RAPGEFL1: variants seen among roughly 807,000 people sequenced by gnomAD.
RAPGEFL1 encodes rap guanine nucleotide exchange factor-like 1.
A neutral mutation model predicts 64.4 loss-of-function variants in RAPGEFL1; 31 were observed. The ratio of observed to expected loss-of-function variants is 0.48; its 90% confidence interval spans 0.36 to 0.65. The LOEUF is 0.65. RAPGEFL1 is among the 30% of genes least tolerant of loss of function. RAPGEFL1 has a pLI of 0.00. For synonymous variants in RAPGEFL1, 331 were observed against 274.1 expected (o/e 1.21, Z -2.05); for missense variants, 682 against 677.4 (o/e 1.01, Z -0.08).
intron 3 of RAPGEFL1, 111 bp from the exon 4 acceptor site, chr17:40,184,470 C>A: frequency 8.7e-7 from 1 of 1,153,346 alleles, no homozygotes; most frequent in Non-Finnish European, 1.2e-6. Flanking sequence ...GGGGCCTTAG[C>A]TTATATGGCT....
chr17:40,191,546 G>T lies in RAPGEFL1; in HGVS notation c.1515-36G>T, dbSNP rs758250129. On this transcript the variant is annotated intron_variant, in intron 9 of 14. Coordinates refer to ENST00000620260, the MANE Select transcript of RAPGEFL1 (RefSeq NM_016339.6). The surrounding 1 kb of genome is among the most constrained non-coding windows in gnomAD (Gnocchi z 5.1). ...GGGCCGGAGGCCGGAGGCCCGCGCC[G>T]CCGCCCGCCCCTGACCCCGCCTCCC... 10 of 1,555,320 alleles carry T rather than the reference G, an allele frequency of 6.4e-6. No homozygotes were observed. The highest frequency in any genetic ancestry group is 8.7e-6 in the Non-Finnish European group (10 of 1,152,502).
intron 4 of RAPGEFL1, among the ~76,000 whole-genome samples, chr17:40,185,098 T>A (rs1336225452): frequency 1.3e-5 from 2 of 152,140 alleles, no homozygotes; most frequent in South Asian, 4.1e-4. Flanking sequence ...TTATTTCAGC[T>A]CCTTTCTCTC....
chr17:40,192,600 T>A lies in RAPGEFL1; in HGVS notation c.1657-6T>A. On this transcript the variant is annotated splice_region_variant and splice_polypyrimidine_tract_variant and intron_variant, in intron 11 of 14. Transcript: ENST00000620260. ...GTCCCTTGATCTCTCTCCTGTGGAA[T>A]ACTAGGACCCCTGCAGGAACCACAA... 1 of 1,610,356 alleles carries A rather than the reference T, an allele frequency of 6.2e-7. No individual in the cohort carries two copies. The highest frequency in any genetic ancestry group is 8.5e-7 in the Non-Finnish European group (1 of 1,177,304).
At chr17:40,188,775 A>G in intron 4 of RAPGEFL1, 91 bp from the exon 5 acceptor site, 3 of 1,016,048 alleles carry the variant, frequency 3.0e-6, no homozygotes, top group Non-Finnish European at 4.6e-6. Context: ...CCTTGACCCA[A>G]TTCTGATATT....
At chr17:40,193,251 G>A in intron 13 of RAPGEFL1, 112 bp from the exon 14 acceptor site, 2 of 1,250,632 alleles carry the variant, frequency 1.6e-6, no homozygotes, top group East Asian at 2.3e-5. Context: ...AGACCCTCCA[G>A]AATTGGAGAC....
intron 4 of RAPGEFL1, among the ~76,000 whole-genome samples, chr17:40,185,610 C>T (rs1021801313): frequency 1.3e-5 from 2 of 151,224 alleles, no homozygotes; most frequent in Non-Finnish European, 1.5e-5. Context: ...ATGGTGAAAC[C>T]CTGTCTCTAC....
chr17:40,177,601 A>C lies in RAPGEFL1; in HGVS notation c.-261A>C. ...GGCGCACCGGCCCCGCAGCCTGCCC[A>C]CTCTTCGGGCCGCGTGCCGGCTGCA... On this transcript the variant is annotated 5_prime_UTR_variant, in exon 1 of 15. Coordinates refer to ENST00000620260, the MANE Select transcript of RAPGEFL1 (RefSeq NM_016339.6). 1 of 386,924 alleles carries C rather than the reference A, an allele frequency of 2.6e-6. No homozygotes were observed. Among genetic ancestry groups the C allele is most frequent in the Non-Finnish European group, 4.5e-6 (1 of 222,294 alleles). The allele number at this position is 386,924 out of a possible 1,614,324, so 24.0% of individuals were successfully genotyped here. A position where few individuals can be genotyped will look rare whatever the true frequency, so the allele number is the denominator to read the frequency against.
At position 40,178,362 on chromosome 17, in the gene RAPGEFL1, C is replaced by T. The variant is rs1028268131; in HGVS notation, c.501C>T (p.Thr167=). The T allele has an allele frequency of 2.6e-5, 14 of 539,874 alleles. 1 individual carries two copies. The highest frequency in any genetic ancestry group is 2.7e-5 in the Non-Finnish European group (8 of 300,060). 33.4% of individuals were successfully genotyped at this position (539,874 alleles called of 1,614,324 possible). ...RVLERLAGGA[T]RDSAASDILL... Reference sequence around the variant, plus strand: ...TGGAGCGGCTTGCTGGAGGGGCTACCAGGGACAGCGCCGCCTCAGGTAAGG... The same window carrying T: ...TGGAGCGGCTTGCTGGAGGGGCTACTAGGGACAGCGCCGCCTCAGGTAAGG... The change falls in exon 1 of 15, where the codon ACC becomes ACT. Residue 167 remains threonine, a synonymous_variant. Transcript: ENST00000620260.
intron 4 of RAPGEFL1, among the ~76,000 whole-genome samples, chr17:40,187,574 G>A (rs1457051731): frequency 5.9e-5 from 9 of 151,622 alleles, no homozygotes; most frequent in African/African-American, 2.4e-5. Context: ...TCCCATGGTC[G>A]GTTATATTGT....
chr17:40,180,800 GT>G (rs1263468819), intron 1 of RAPGEFL1, among the ~76,000 whole-genome samples: 1 of 152,226 alleles, frequency 6.6e-6, no homozygotes. Flanking sequence ...AGAAGCCTTG[GT>G]TTTGTCCTGG....
At chr17:40,181,072 T>G (rs1989880209) in intron 1 of RAPGEFL1, among the ~76,000 whole-genome samples, 1 of 152,148 alleles carries the variant, frequency 6.6e-6, no homozygotes, top group Non-Finnish European at 1.5e-5. Context: ...GGACACAGGA[T>G]TTCTATTTAA....
Position 40,190,656 on chromosome 17 carries a change from A to T in RAPGEFL1, c.1229A>T (p.Glu410Val), listed in dbSNP as rs1990228151. Reference sequence around the variant, plus strand: ...TGCCACCAGGTGCCCCTCCCCGAGGAGATCCAGGTCTCCCCTGGAGACACA... The same window carrying T: ...TGCCACCAGGTGCCCCTCCCCGAGGTGATCCAGGTCTCCCCTGGAGACACA... ...SYEALVPLPE[E>V]IQVSPGDTEI... Residue 410 changes from glutamate to valine, a missense_variant, in exon 8 of 15, where the codon GAG (glutamate) becomes GTG (valine). Coordinates refer to ENST00000620260, the MANE Select transcript of RAPGEFL1 (RefSeq NM_016339.6). The T allele has an allele frequency of 6.2e-7, 1 of 1,614,000 alleles. No homozygotes were observed. Among genetic ancestry groups the T allele is most frequent in the African/African-American group, 1.3e-5 (1 of 74,928 alleles).
intron 6 of RAPGEFL1, among the ~76,000 whole-genome samples, chr17:40,189,887 C>T (rs534480938): frequency 4.6e-5 from 7 of 151,266 alleles, no homozygotes; most frequent in Admixed American, 6.6e-5. Flanking sequence ...ACCGCGGAGG[C>T]GGAGGTTGCA....
intron 1 of RAPGEFL1, chr17:40,181,353 A>G (rs1252381630): frequency 1.7e-6 from 1 of 597,396 alleles, no homozygotes; most frequent in Non-Finnish European, 3.1e-6. Context: ...CGCTGAAGAG[A>G]AGTGCACATG....
Position 40,193,723 on chromosome 17 carries a change from C to T in RAPGEFL1, c.1924C>T (p.Gln642Ter). The change falls in exon 15 of 15, where the codon CAG becomes TAG. Residue 642 changes from glutamine (Q) to a stop codon, truncating the protein, a stop_gained. Transcript: ENST00000620260. LOFTEE classifies it high-confidence loss of function. ...LQTKAYVRQFQVIDNQNLLFE... is the reference protein window; with the variant it reads ...LQTKAYVRQF ...GACCAAGGCCTATGTGCGCCAGTTT[C>T]AGGTCATCGACAACCAGAACCTCCT... is the stretch of plus-strand genomic sequence containing the variant. The T allele has an allele frequency of 6.2e-7, 1 of 1,614,100 alleles. No homozygotes were observed. Among genetic ancestry groups the T allele is most frequent in the Admixed American group, 1.7e-5 (1 of 60,008 alleles).
intron 8 of RAPGEFL1, 171 bp downstream of exon 8, chr17:40,190,933 G>A: frequency 9.8e-7 from 1 of 1,017,130 alleles, no homozygotes; most frequent in African/African-American, 1.6e-5. Flanking sequence ...CAAAGAGAGA[G>A]ACCCCAGAGC....
Position 40,191,224 on chromosome 17 carries a change from C to A in RAPGEFL1, c.1336-92C>A. 1 of 1,235,202 alleles carries A rather than the reference C, an allele frequency of 8.1e-7. No individual in the cohort carries two copies. The highest frequency in any genetic ancestry group is 1.1e-6 in the Non-Finnish European group (1 of 922,550). 76.5% of individuals were successfully genotyped at this position (1,235,202 alleles called of 1,614,324 possible). A position where few individuals can be genotyped will look rare whatever the true frequency, so the allele number is the denominator to read the frequency against. ...ACCCCTTCCGCCCCCGCCCTCCTGC[C>A]TTTCGCTCCTCATCGCCTTGCACTG... On this transcript the variant is annotated intron_variant, in intron 8 of 14. Transcript: ENST00000620260. This position sits in a 1 kb window ranked among gnomAD's most constrained non-coding sequence, Gnocchi z 5.1.
chr17:40,177,765 C>T lies in RAPGEFL1; in HGVS notation c.-97C>T, dbSNP rs1298186094. The T allele has an allele frequency of 3.2e-5, 13 of 410,584 alleles. No individual in the cohort carries two copies. The Admixed American group carries it at 3.5e-4, about 11-fold the overall frequency. The allele number at this position is 410,584 out of a possible 1,614,324, so 25.4% of individuals were successfully genotyped here. ...GCCTGGCACGGCCCTCTACTCTGCT[C>T]CTCCAGCTCTGAGCATCGTGTCTTC... On this transcript the variant is annotated 5_prime_UTR_variant, in exon 1 of 15. Transcript: ENST00000620260.
Position 40,184,332 on chromosome 17 carries a change from G to T in RAPGEFL1, c.718G>T (p.Ala240Ser). ...GGGGCTGCTTCAAGAGGAAGAGGGG[G>T]CCGGCCACATCATCAAGGTGGGCCT... The part of the protein sequence containing the change: ...YQGLLQEEEG[A>S]GHIIKDLYLL... Residue 240 changes from alanine to serine, a missense_variant, in exon 3 of 15, where the codon GCC becomes TCC. By Grantham distance (99) the Ala-to-Ser change is moderately conservative. Around this residue, in one of 2 missense-constraint regions of RAPGEFL1, gnomAD observed 271 missense variants for 158.0 expected, o/e 1.72. Transcript: ENST00000620260. 1 of 1,612,046 alleles carries T rather than the reference G, an allele frequency of 6.2e-7. No individual in the cohort carries two copies. Among genetic ancestry groups the T allele is most frequent in the Non-Finnish European group, 8.5e-7 (1 of 1,179,346 alleles).
Sources: allele counts gnomAD v4.1 joint callset (sites outside exome capture counted in the v4.1 genomes callset), GRCh38; gene constraint gnomAD v4.1.1; regional missense constraint gnomAD v4.1.1; non-coding constraint Gnocchi (gnomAD v3.1); transcripts MANE v1.5; gene names NCBI Gene and HGNC (gene_info 2026-07-23, HGNC 2026-07-21).